Variants in DUSP8 observed in about 807,000 individuals in gnomAD.
The protein encoded by DUSP8 is dual specificity phosphatase 8, also known as dual specificity protein phosphatase 8.
Under a neutral mutation model 38.7 loss-of-function variants are expected in DUSP8, and 15 were observed. The observed-to-expected ratio is 0.39, with a 90% CI of 0.26 to 0.60. The LOEUF is 0.60. Ranked by LOEUF, DUSP8 falls within the 20% of genes least tolerant of loss-of-function variation. DUSP8 has a pLI of 0.56. For missense variants in DUSP8, 768 were observed against 915.0 expected, an observed-to-expected ratio of 0.84 and a Z score of 2.07; for synonymous variants, 458 against 433.9, an observed-to-expected ratio of 1.06 and a Z score of -0.69.
Position 1,555,495 on chromosome 11 carries a change from C to G in DUSP8, c.*1023G>C. 1 of 963,856 alleles carries G rather than the reference C, an allele frequency of 1.0e-6. No homozygotes were observed. The highest frequency in any genetic ancestry group is 1.2e-6 in the Non-Finnish European group (1 of 812,282). 59.7% of individuals were successfully genotyped at this position (963,856 alleles called of 1,614,324 possible). On this transcript the variant is annotated 3_prime_UTR_variant, in exon 7 of 7. Coordinates refer to ENST00000397374, the MANE Select transcript of DUSP8 (RefSeq NM_004420.3). ...GCCTGGGGCATGGCTGGGAGGGGGG[C>G]GGGGCAGACCTGGAACAGAACCCTA... is the stretch of plus-strand genomic sequence containing the variant.
At position 1,557,456 on chromosome 11, in the gene DUSP8, A is replaced by G. The variant is rs1236922060; in HGVS notation, c.940T>C (p.Ser314Pro). Reference sequence around the variant, plus strand: ...CTGGGCGGAGGCTCCGGCGTCCCTGAGGGGGTGCCCGGGTCGCCCTGCAGG... The same window carrying G: ...CTGGGCGGAGGCTCCGGCGTCCCTGGGGGGGTGCCCGGGTCGCCCTGCAGG... ...AALQGDPGTPSGTPEPPPSPA... is the reference protein window; with the variant it reads ...AALQGDPGTPPGTPEPPPSPA... The change falls in exon 7 of 7, where the codon TCA becomes CCA. Residue 314 changes from serine (S) to proline (P), a missense_variant. Physicochemically the swap from Ser to Pro is moderately conservative, Grantham distance 74. Around this residue, in one of 3 missense-constraint regions of DUSP8, gnomAD observed 474 missense variants for 430.8 expected, o/e 1.10. Transcript: ENST00000397374. The surrounding 1 kb of genome is among the most constrained non-coding windows in gnomAD (Gnocchi z 9.9). The G allele has an allele frequency of 1.3e-6, 2 of 1,563,678 alleles. No homozygotes were observed. The highest frequency in any genetic ancestry group is 2.3e-5 in the South Asian group (2 of 85,848).
At chr11:1,572,527 G>T (rs1264378255), upstream of DUSP8, among the ~76,000 whole-genome samples, 3 of 151,674 alleles carry the variant, frequency 2.0e-5, no homozygotes, top group Non-Finnish European at 4.4e-5. The surrounding 1 kb of genome is among the most constrained non-coding windows in gnomAD (Gnocchi z 4.7). Flanking sequence ...GCGGCGTCCG[G>T]GACCCCGCCT....
Position 1,557,778 on chromosome 11 carries a change from C to T in DUSP8, c.821+16G>A, listed in dbSNP as rs1375582450. ...GACGCTGTGAGCCACAAGTGCGCGA[C>T]TGGGGAAGGTGGTACCTGTAGGCGT... On this transcript the variant is annotated intron_variant, in intron 6 of 6. Transcript: ENST00000397374. The surrounding 1 kb of genome is among the most constrained non-coding windows in gnomAD (Gnocchi z 9.9). 1 of 1,612,326 alleles carries T rather than the reference C, an allele frequency of 6.2e-7. No homozygotes were observed. The highest frequency in any genetic ancestry group is 2.2e-5 in the East Asian group (1 of 44,874).
At position 1,557,315 on chromosome 11, in the gene DUSP8, G is replaced by T. The variant is rs1474617734; in HGVS notation, c.1081C>A (p.Pro361Thr). 2 of 1,487,020 alleles carry T rather than the reference G, an allele frequency of 1.3e-6. No homozygotes were observed. The highest frequency in any genetic ancestry group is 1.8e-6 in the Non-Finnish European group (2 of 1,129,276). The allele number at this position is 1,487,020 out of a possible 1,614,324, so 92.1% of individuals were successfully genotyped here. Residue 361 changes from proline (P) to threonine (T), a missense_variant, in exon 7 of 7, where the codon CCC becomes ACC. Transcript: ENST00000397374. This position sits in a 1 kb window ranked among gnomAD's most constrained non-coding sequence, Gnocchi z 9.9. ...GLSAGGEPPA[P>T]PTPPATSALQ... ...GCGCTGGTCGCCGGGGGCGTGGGGGGCGCGGGGGGCTCCCCGCCCGCGCTC... is the reference window on the plus strand; with the variant it reads ...GCGCTGGTCGCCGGGGGCGTGGGGGTCGCGGGGGGCTCCCCGCCCGCGCTC...
At chr11:1,568,675 C>A (rs1848843330) in intron 1 of DUSP8, among the ~76,000 whole-genome samples, 1 of 152,186 alleles carries the variant, frequency 6.6e-6, no homozygotes, top group Non-Finnish European at 1.5e-5. Context: ...CAGTCCTCAG[C>A]CCCTCCGCTC....
intron 3 of DUSP8, among the ~76,000 whole-genome samples, chr11:1,563,458 C>T (rs932381803): frequency 6.6e-6 from 1 of 152,088 alleles, no homozygotes; most frequent in Non-Finnish European, 1.5e-5. Context: ...TGGTGCCAGG[C>T]TGTTGCCAGG....
upstream of DUSP8, among the ~76,000 whole-genome samples, chr11:1,572,517 G>A (rs1191965038): frequency 1.3e-5 from 2 of 151,114 alleles, no homozygotes; most frequent in Non-Finnish European, 1.5e-5. The surrounding 1 kb of genome is among the most constrained non-coding windows in gnomAD (Gnocchi z 4.7). Context: ...AAGGGACCAC[G>A]CGGCGTCCGG....
intron 3 of DUSP8, among the ~76,000 whole-genome samples, chr11:1,561,792 G>A (rs980297837): frequency 2.6e-5 from 4 of 151,952 alleles, no homozygotes; most frequent in Non-Finnish European, 5.9e-5. Context: ...CCTTCTCCTG[G>A]GTGAGGGGCA....
chr11:1,560,477 C>T (rs1564933725), intron 3 of DUSP8, among the ~76,000 whole-genome samples: 1 of 152,172 alleles, frequency 6.6e-6, no homozygotes, highest in African/African-American at 2.4e-5. Context: ...TGCCAGCTCC[C>T]CGTGTCCCTA....
intron 3 of DUSP8, among the ~76,000 whole-genome samples, chr11:1,560,300 G>A (rs1848697334): frequency 6.6e-6 from 1 of 152,148 alleles, no homozygotes; most frequent in African/African-American, 2.4e-5. Context: ...GTTTGCAGAA[G>A]AGGCTGGTGC....
chr11:1,566,016 G>C, intron 1 of DUSP8, 82 bp from the exon 2 acceptor site: 1 of 591,198 alleles, frequency 1.7e-6, no homozygotes. Context: ...TCAGAGCTGG[G>C]AGCTGCGCCC....
At chr11:1,562,209 C>T (rs1848727679) in intron 3 of DUSP8, among the ~76,000 whole-genome samples, 1 of 152,232 alleles carries the variant, frequency 6.6e-6, no homozygotes, top group East Asian at 1.9e-4. Context: ...AACCGTCCCA[C>T]TCTGGCCTCG....
rs756320305 is a variant in DUSP8 at position 1,558,068 on chromosome 11, C to T, written c.697+44G>A. 5 of 1,611,586 alleles carry T rather than the reference C, an allele frequency of 3.1e-6. No individual in the cohort carries two copies. The highest frequency in any genetic ancestry group is 2.2e-5 in the East Asian group (1 of 44,884). ...GTCTGTGGCCACACACAGCTCTAGC[C>T]TTCCTCTAGCCAGGTCCCTGCCCTC... is the stretch of plus-strand genomic sequence containing the variant. On this transcript the variant is annotated intron_variant, in intron 5 of 6. Coordinates refer to ENST00000397374, the MANE Select transcript of DUSP8 (RefSeq NM_004420.3). This position sits in a 1 kb window ranked among gnomAD's most constrained non-coding sequence, Gnocchi z 6.3.
intron 3 of DUSP8, 87 bp downstream of exon 3, chr11:1,563,764 C>A: frequency 7.4e-7 from 1 of 1,357,428 alleles, no homozygotes; most frequent in Non-Finnish European, 9.8e-7. Context: ...CCGTGCCCAG[C>A]GGACACCTCC....
chr11:1,557,195 C>A lies in DUSP8; in HGVS notation c.1201G>T (p.Ala401Ser). Reference sequence around the variant, plus strand: ...TCGGGCCGCCTGCTAGGGGCGTAGGCAGACTTGATGTCCAGGGAGAAGGAG... The same window carrying A: ...TCGGGCCGCCTGCTAGGGGCGTAGGAAGACTTGATGTCCAGGGAGAAGGAG... ...KRSFSLDIKS[A>S]YAPSRRPDGP... The change falls in exon 7 of 7, where the codon GCC (alanine) becomes TCC (serine). Residue 401 changes from alanine (A) to serine (S), a missense_variant. Around this residue, in one of 3 missense-constraint regions of DUSP8, gnomAD observed 474 missense variants for 430.8 expected, o/e 1.10. Transcript: ENST00000397374. The surrounding 1 kb of genome is among the most constrained non-coding windows in gnomAD (Gnocchi z 9.9). 1.3e-6 allele frequency: 2 copies of A among 1,487,612 alleles called. No individual in the cohort carries two copies. Among genetic ancestry groups the A allele is most frequent in the Non-Finnish European group, 8.9e-7 (1 of 1,122,250 alleles). 92.2% of individuals were successfully genotyped at this position (1,487,612 alleles called of 1,614,324 possible).
In DUSP8 at chr11:1,554,858, C is replaced by G. The variant is rs554905333; in HGVS notation, c.*1660G>C. 122 of 807,830 alleles carry G rather than the reference C, an allele frequency of 1.5e-4. No individual in the cohort carries two copies. Among genetic ancestry groups the G allele is most frequent in the Middle Eastern group, 1.3e-3 (2 of 1,600 alleles). 50.0% of individuals were successfully genotyped at this position (807,830 alleles called of 1,614,324 possible). A position where few individuals can be genotyped will look rare whatever the true frequency, so the allele number is the denominator to read the frequency against. ...TCTAATCCATAGATTGCAAATACAA[C>G]GATAGCTTATTTTCTTGGGGGAACA... On this transcript the variant is annotated 3_prime_UTR_variant, in exon 7 of 7. Transcript: ENST00000397374.
chr11:1,564,397 A>G (rs1848769593), intron 2 of DUSP8, among the ~76,000 whole-genome samples: 1 of 152,166 alleles, frequency 6.6e-6, no homozygotes, highest in African/African-American at 2.4e-5. Flanking sequence ...CCTGAAACGC[A>G]TGCCTTCGGG....
intron 1 of DUSP8, among the ~76,000 whole-genome samples, chr11:1,567,078 G>T (rs576013717): frequency 1.2e-4 from 19 of 152,258 alleles, no homozygotes; most frequent in African/African-American, 4.3e-4. Context: ...TGGGACCTGG[G>T]TCACACCTGG....
At chr11:1,563,766 G>A (rs1848757350) in intron 3 of DUSP8, 85 bp downstream of exon 3, 2 of 1,372,274 alleles carry the variant, frequency 1.5e-6, no homozygotes, top group Non-Finnish European at 1.9e-6. Flanking sequence ...GTGCCCAGCG[G>A]ACACCTCCCT....
Sources: allele counts gnomAD v4.1 joint callset (sites outside exome capture counted in the v4.1 genomes callset), GRCh38; gene constraint gnomAD v4.1.1; regional missense constraint gnomAD v4.1.1; non-coding constraint Gnocchi (gnomAD v3.1); transcripts MANE v1.5; gene names NCBI Gene and HGNC (gene_info 2026-07-23, HGNC 2026-07-21).